Variants in MRPS27 observed in about 807,000 individuals in gnomAD.
MRPS27 encodes mitochondrial ribosomal protein S27.
A neutral mutation model predicts 48.9 loss-of-function variants in MRPS27; 43 were observed. The observed-to-expected ratio is 0.88, with a 90% confidence interval of 0.69 to 1.13. The LOEUF (loss-of-function observed/expected upper bound fraction) is 1.13. MRPS27 is among the 50% of genes most tolerant of loss of function. The probability of loss-of-function intolerance (pLI) is 0.00; values close to 1 mark genes in which losing one functional copy is unlikely to be tolerated. For missense variants in MRPS27, 467 were observed against 476.3 expected (o/e 0.98, Z 0.18); for synonymous variants, 188 against 171.9 (o/e 1.09, Z -0.73).
At chr5:72,275,983 A>G (rs946355807) in intron 4 of MRPS27, among the ~76,000 whole-genome samples, 3 of 151,166 alleles carry the variant, frequency 2.0e-5, no homozygotes, top group African/African-American at 7.3e-5. Context: ...GCATTTAACA[A>G]AGGAAAAAAG....
At chr5:72,272,587 G>A (rs942958264) in intron 4 of MRPS27, among the ~76,000 whole-genome samples, 5 of 152,170 alleles carry the variant, frequency 3.3e-5, no homozygotes, top group Non-Finnish European at 7.4e-5. Context: ...ACTGGCAGAG[G>A]AATTCTGCAA....
chr5:72,291,976 C>G (rs1277672772), intron 4 of MRPS27, among the ~76,000 whole-genome samples: 1 of 152,248 alleles, frequency 6.6e-6, no homozygotes, highest in African/African-American at 2.4e-5. Context: ...GCCTATTTTC[C>G]CAACCTCCCG....
chr5:72,236,862 C>T (rs1748209411), intron 5 of MRPS27, among the ~76,000 whole-genome samples: 1 of 151,960 alleles, frequency 6.6e-6, no homozygotes, highest in African/African-American at 2.4e-5. Flanking sequence ...TATTTCCTTC[C>T]AATCAGATTC....
intron 1 of MRPS27, among the ~76,000 whole-genome samples, chr5:72,314,949 G>C: frequency 6.6e-6 from 1 of 152,204 alleles, no homozygotes; most frequent in East Asian, 1.9e-4. Flanking sequence ...CAGCACCCTA[G>C]TGGTAAATTA....
At chr5:72,228,147 A>G in intron 8 of MRPS27, 119 bp downstream of exon 8, 1 of 875,310 alleles carries the variant, frequency 1.1e-6, no homozygotes, top group Admixed American at 2.3e-5. Context: ...ATGTCTAAAA[A>G]CGAAGGCTAA....
intron 4 of MRPS27, among the ~76,000 whole-genome samples, chr5:72,259,720 T>C (rs1748914964): frequency 1.3e-5 from 2 of 152,278 alleles, no homozygotes; most frequent in African/African-American, 4.8e-5. Context: ...CTTCTATTTA[T>C]TTTTATTATT....
intron 2 of MRPS27, among the ~76,000 whole-genome samples, chr5:72,308,197 G>C (rs1750330319): frequency 6.6e-6 from 1 of 152,204 alleles, no homozygotes; most frequent in Non-Finnish European, 1.5e-5. Context: ...GAGCTCTCTG[G>C]CACAATCAGC....
chr5:72,260,814 C>T (rs995500318), intron 4 of MRPS27, among the ~76,000 whole-genome samples: 1 of 152,090 alleles, frequency 6.6e-6, no homozygotes, highest in Non-Finnish European at 1.5e-5. Context: ...CAACAAAATG[C>T]CAAGTTTCAT....
intron 4 of MRPS27, chr5:72,241,486 C>T: frequency 1.6e-6 from 1 of 625,072 alleles, no homozygotes; most frequent in Admixed American, 2.9e-5. Context: ...GGAATATAAA[C>T]AAGTCAAAAC....
intron 4 of MRPS27, among the ~76,000 whole-genome samples, chr5:72,261,651 TCA>T (rs1289889639): frequency 2.0e-5 from 3 of 152,202 alleles, no homozygotes; most frequent in African/African-American, 7.2e-5. Context: ...CTGATACTTA[TCA>T]GAGTATTTAT....
chr5:72,222,112 G>GA (rs1381083264), intron 10 of MRPS27, among the ~76,000 whole-genome samples: 2 of 152,208 alleles, frequency 1.3e-5, no homozygotes, highest in African/African-American at 4.8e-5. Context: ...GGCCTAGTGT[G>GA]AGAGTCAATC....
intron 4 of MRPS27, among the ~76,000 whole-genome samples, chr5:72,291,163 T>C (rs983809314): frequency 6.6e-6 from 1 of 152,208 alleles, no homozygotes; most frequent in African/African-American, 2.4e-5. Context: ...ATCAATTATA[T>C]GCTTGTCTTA....
At chr5:72,266,478 G>A (rs188230306) in intron 4 of MRPS27, among the ~76,000 whole-genome samples, 1 of 152,214 alleles carries the variant, frequency 6.6e-6, no homozygotes, top group South Asian at 2.1e-4. Context: ...CATGCTCTAC[G>A]TATCTACTGG....
intron 2 of MRPS27, among the ~76,000 whole-genome samples, chr5:72,306,278 G>GAAAT (rs1175217206): frequency 6.6e-6 from 1 of 152,182 alleles, no homozygotes; most frequent in Admixed American, 6.5e-5. Flanking sequence ...AGCTTCAAAT[G>GAAAT]AAATAACAAA....
chr5:72,231,776 A>C (rs1318109012), intron 7 of MRPS27, among the ~76,000 whole-genome samples: 1 of 152,142 alleles, frequency 6.6e-6, no homozygotes, highest in African/African-American at 2.4e-5. Context: ...GAGGCAGACT[A>C]ACTGGCTTTA....
At chr5:72,265,167 G>T (rs1404795027) in intron 4 of MRPS27, among the ~76,000 whole-genome samples, 2 of 152,170 alleles carry the variant, frequency 1.3e-5, no homozygotes, top group African/African-American at 4.8e-5. Flanking sequence ...ATTAGACAAG[G>T]TTTCCTTAAA....
At chr5:72,317,869 A>T (rs73102426) in intron 1 of MRPS27, among the ~76,000 whole-genome samples, 2,557 of 152,272 alleles carry the variant, frequency 0.017, 86 homozygotes, top group African/African-American at 0.057. Context: ...TCTCTTACAT[A>T]AAATTGCACA....
chr5:72,236,925 T>C (rs1418032678), intron 5 of MRPS27, among the ~76,000 whole-genome samples: 1 of 90,216 alleles, frequency 1.1e-5, no homozygotes, highest in Non-Finnish European at 3.3e-5. Context: ...CTTTTTTCCT[T>C]TTTTTTTTTT....
At chr5:72,298,578 C>G (rs533369607) in intron 2 of MRPS27, among the ~76,000 whole-genome samples, 1 of 151,812 alleles carries the variant, frequency 6.6e-6, no homozygotes, top group Non-Finnish European at 1.5e-5. Context: ...CGGTGGCGGG[C>G]GCCTGTAGTC....
Sources: gnomAD v4.1 joint callset for allele counts (sites outside exome capture counted in the v4.1 genomes callset) on GRCh38, gnomAD v4.1.1 for gene constraint, MANE v1.5 for transcripts, NCBI Gene and HGNC (gene_info 2026-07-23, HGNC 2026-07-21) for gene names.